The following NDUFC1 variants were observed in gnomAD, a reference collection of about 807,000 sequenced individuals.
The protein encoded by NDUFC1 is NADH dehydrogenase [ubiquinone] 1 subunit C1, mitochondrial.
A neutral mutation model predicts 11.6 loss-of-function variants in NDUFC1; 11 were observed. That is an observed-to-expected ratio of 0.95 (90% CI 0.60 to 1.58). The LOEUF (loss-of-function observed/expected upper bound fraction) is 1.58. Among genes scored for constraint, NDUFC1 ranks in the 40% most tolerant of loss-of-function variants. NDUFC1 has a pLI of 0.00. For synonymous variants in NDUFC1, 52 were observed against 42.2 expected, an observed-to-expected ratio of 1.23 and a Z score of -0.90; for missense variants, 112 against 93.0, an observed-to-expected ratio of 1.20 and a Z score of -0.84.
At chr4:139,301,261 T>G (rs1383819001) in intron 1 of NDUFC1, 2 of 338,170 alleles carry the variant, frequency 5.9e-6, no homozygotes, top group African/African-American at 4.2e-5. Context: ...GAGGCTGTTT[T>G]TGATGAGGAG....
At position 139,301,673 on chromosome 4, in the gene NDUFC1, C is replaced by T. The variant is rs558647234; in HGVS notation, c.-222+743G>A. Reference sequence around the variant, plus strand: ...CCGAGGCCTGGTGGTGGCGGCGGATCGAGATATTCAAGGCTGAAGCAGCTA... The same window carrying T: ...CCGAGGCCTGGTGGTGGCGGCGGATTGAGATATTCAAGGCTGAAGCAGCTA... On this transcript the variant is annotated intron_variant, in intron 1 of 5. Transcript: ENST00000394223. The T allele has an allele frequency of 1.2e-5, 16 of 1,317,234 alleles. No homozygotes were observed. In the African/African-American group the frequency reaches 2.1e-4, roughly 17 times the overall value. 81.6% of individuals were successfully genotyped at this position (1,317,234 alleles called of 1,614,324 possible). A position where few individuals can be genotyped will look rare whatever the true frequency, so the allele number is the denominator to read the frequency against.
rs1745405074 is a variant in NDUFC1, at chr4:139,295,131, T to C, written c.83A>G (p.Lys28Arg). The change falls in exon 4 of 6, where the codon AAG becomes AGG. Residue 28 changes from lysine (K) to arginine (R), a missense_variant. Lys to Arg is a conservative substitution (Grantham distance 26, BLOSUM62 2). Coordinates refer to ENST00000394223, the MANE Select transcript of NDUFC1 (RefSeq NM_001184989.2). ...RLPSGPSVRSKFYVREPPNAK... is the reference protein window; with the variant it reads ...RLPSGPSVRSRFYVREPPNAK... ...ATTCGGCGGCTCTCGCACGTAGAAC[T>C]TTGATCGCACTGAAGCTGAAAGGGG... 6.2e-7 allele frequency: 1 copy of C among 1,614,056 alleles called. No homozygotes were observed. The highest frequency in any genetic ancestry group is 8.5e-7 in the Non-Finnish European group (1 of 1,180,008).
chr4:139,300,558 A>G (rs2110791899), intron 1 of NDUFC1: 1 of 152,318 alleles, frequency 6.6e-6, no homozygotes, highest in South Asian at 2.1e-4. Flanking sequence ...ATGGAATGCC[A>G]CTTTGAAAAA....
chr4:139,293,598 C>T (rs1560939373), intron 4 of NDUFC1, among the ~76,000 whole-genome samples: 1 of 152,120 alleles, frequency 6.6e-6, no homozygotes, highest in Admixed American at 6.5e-5. Flanking sequence ...CACCCCTTTC[C>T]AAGTCAAAAA....
In NDUFC1 at chr4:139,295,901, G is replaced by T; in HGVS notation, c.-103C>A. On this transcript the variant is annotated 5_prime_UTR_variant, in exon 3 of 6. Transcript: ENST00000394223. ...GGGCTCTGCAGCAGAGCTCCGTGGG[G>T]GCGTCAACGTGAATTCCAGCACGGC... 8.2e-7 allele frequency: 1 copy of T among 1,213,740 alleles called. No individual in the cohort carries two copies. Among genetic ancestry groups the T allele is most frequent in the East Asian group, 2.8e-5 (1 of 35,572 alleles). 75.2% of individuals were successfully genotyped at this position (1,213,740 alleles called of 1,614,324 possible).
chr4:139,294,957 T>A (rs918868818), intron 4 of NDUFC1, 86 bp downstream of exon 4: 3 of 967,884 alleles, frequency 3.1e-6, no homozygotes, highest in Non-Finnish European at 5.0e-6. Context: ...ATACAACATA[T>A]AACAGCACCA....
chr4:139,293,778 A>G (rs1745329951), intron 4 of NDUFC1, among the ~76,000 whole-genome samples: 2 of 152,276 alleles, frequency 1.3e-5, no homozygotes, highest in Admixed American at 1.3e-4. Flanking sequence ...AGTCTTTTCT[A>G]GGATAGTGTG....
chr4:139,298,391 T>C (rs1240595932), intron 1 of NDUFC1, among the ~76,000 whole-genome samples: 2 of 142,132 alleles, frequency 1.4e-5, no homozygotes, highest in Non-Finnish European at 3.0e-5. Context: ...TGAGCTGAGA[T>C]CGCACCATTG....
In NDUFC1 at chr4:139,295,914, A is replaced by T. The variant is rs1745452208; in HGVS notation, c.-116T>A. 9.5e-7 allele frequency: 1 copy of T among 1,054,094 alleles called. No homozygotes were observed. Among genetic ancestry groups the T allele is most frequent in the Admixed American group, 2.9e-5 (1 of 34,718 alleles). The allele number at this position is 1,054,094 out of a possible 1,614,324, so 65.3% of individuals were successfully genotyped here. ...GAGCTCCGTGGGGGCGTCAACGTGAATTCCAGCACGGCAAGGTTCTCTAGC... is the reference window on the plus strand; with the variant it reads ...GAGCTCCGTGGGGGCGTCAACGTGATTTCCAGCACGGCAAGGTTCTCTAGC... On this transcript the variant is annotated 5_prime_UTR_variant, in exon 3 of 6. Coordinates refer to ENST00000394223, the MANE Select transcript of NDUFC1 (RefSeq NM_001184989.2).
chr4:139,294,825 C>T (rs1379196857), intron 4 of NDUFC1, among the ~76,000 whole-genome samples: 4 of 151,928 alleles, frequency 2.6e-5, no homozygotes, highest in Non-Finnish European at 5.9e-5. Flanking sequence ...AATTTTAGTC[C>T]CATCATACTT....
intron 2 of NDUFC1, among the ~76,000 whole-genome samples, chr4:139,296,807 T>C (rs1745492094): frequency 6.6e-6 from 1 of 152,212 alleles, no homozygotes; most frequent in Admixed American, 6.5e-5. Flanking sequence ...TAACAGACAA[T>C]ACATTTTGAC....
chr4:139,294,514 A>G (rs959703592), intron 4 of NDUFC1, among the ~76,000 whole-genome samples: 1 of 151,798 alleles, frequency 6.6e-6, no homozygotes, highest in Non-Finnish European at 1.5e-5. Flanking sequence ...AGGCGGGCGG[A>G]TCAATAGGTC....
chr4:139,292,406 G>A, intron 5 of NDUFC1, 124 bp downstream of exon 5: 1 of 397,954 alleles, frequency 2.5e-6, no homozygotes, highest in Non-Finnish European at 4.4e-6. Context: ...GTCACAGACA[G>A]AAATATGGGT....
At chr4:139,301,935 A>T in intron 1 of NDUFC1, 4 of 1,267,522 alleles carry the variant, frequency 3.2e-6, no homozygotes, top group Non-Finnish European at 4.4e-6. Context: ...CCCGCCCGGG[A>T]CCCCGCCTTC....
In NDUFC1 at chr4:139,289,977, A is replaced by T. The variant is rs1745145174; in HGVS notation, c.*136T>A. 6.6e-6 allele frequency: 1 copy of T among 152,212 alleles called. No individual in the cohort carries two copies. Among genetic ancestry groups the T allele is most frequent in the African/African-American group, 2.4e-5 (1 of 41,452 alleles). The allele number at this position is 152,212 out of a possible 1,614,324, so 9.4% of individuals were successfully genotyped here. A position where few individuals can be genotyped will look rare whatever the true frequency, so the allele number is the denominator to read the frequency against. ...TATTTTTATTTCTTTTTATTTAATGATGCAAAATACAAATGCTGGCTTGAT... is the reference window on the plus strand; with the variant it reads ...TATTTTTATTTCTTTTTATTTAATGTTGCAAAATACAAATGCTGGCTTGAT... On this transcript the variant is annotated 3_prime_UTR_variant, in exon 6 of 6. Transcript: ENST00000394223.
At chr4:139,295,581 G>A in intron 3 of NDUFC1, 151 bp downstream of exon 3, 1 of 769,864 alleles carries the variant, frequency 1.3e-6, no homozygotes, top group Non-Finnish European at 2.1e-6. Context: ...CTGCGTAGGG[G>A]ACAGGCGTGG....
At chr4:139,292,448 C>T in intron 5 of NDUFC1, 82 bp downstream of exon 5, 2 of 575,830 alleles carry the variant, frequency 3.5e-6, no homozygotes, top group Non-Finnish European at 5.6e-6. Flanking sequence ...ACAAAACAAA[C>T]AACAAGCTTG....
rs140979926 is a variant in NDUFC1 at position 139,295,772 on chromosome 4, G to C, written c.27C>G (p.Pro9=). 28 of 1,553,132 alleles carry C rather than the reference G, an allele frequency of 1.8e-5. No homozygotes were observed. The East Asian group carries it at 6.6e-4, about 36-fold the overall frequency. MAPSALLR[P]LSRLLAPARL... The stretch of plus-strand genomic sequence containing the variant: ...TGGCGGGGGCCAGCAGCCGGGAAAG[G>C]GGACGCAGCAAGGCGGACGGCGCCA... The change falls in exon 3 of 6, where the codon CCC becomes CCG. Residue 9 remains proline (P), a synonymous_variant. Transcript: ENST00000394223.
At chr4:139,301,447 G>A (rs1745727582) in intron 1 of NDUFC1, 5 of 438,536 alleles carry the variant, frequency 1.1e-5, no homozygotes, top group Non-Finnish European at 2.0e-5. Context: ...GGAGGTCACC[G>A]CGCCTGCGTG....
Sources: gnomAD v4.1 joint callset for allele counts (sites outside exome capture counted in the v4.1 genomes callset) on GRCh38, gnomAD v4.1.1 for gene constraint, MANE v1.5 for transcripts, NCBI Gene and HGNC (gene_info 2026-07-23, HGNC 2026-07-21) for gene names.